CIMIP1: variants seen among roughly 807,000 people sequenced by gnomAD.
CIMIP1 encodes low in lung cancer 1.
the CIMIP1 span, among the ~76,000 whole-genome samples, chr20:58,152,261 C>T: frequency 1.3e-5 from 2 of 151,996 alleles, no homozygotes; most frequent in Non-Finnish European, 2.9e-5. Flanking sequence ...ATGCCCCTTC[C>T]TCTCTTCTTC....
chr20:58,157,180 G>A, the CIMIP1 span, among the ~76,000 whole-genome samples: 10 of 152,148 alleles, frequency 6.6e-5, no homozygotes, highest in Non-Finnish European at 1.3e-4. Context: ...TGACCTGTAA[G>A]AGTAACCACC....
At chr20:58,153,669 T>C in the CIMIP1 span, 2 of 1,319,406 alleles carry the variant, frequency 1.5e-6, no homozygotes, top group Admixed American at 1.8e-5. Context: ...GAATCAATCA[T>C]TTCAAAGAAT....
chr20:58,154,954 T>C, the CIMIP1 span, among the ~76,000 whole-genome samples: 1 of 152,172 alleles, frequency 6.6e-6, no homozygotes, highest in Non-Finnish European at 1.5e-5. Flanking sequence ...CACAGGCACA[T>C]GCCATCATGC....
chr20:58,160,339 A>G, the CIMIP1 span, among the ~76,000 whole-genome samples: 2 of 152,366 alleles, frequency 1.3e-5, no homozygotes, highest in East Asian at 3.9e-4. Context: ...TATATTTTAT[A>G]AAAGGCAGTG....
the CIMIP1 span, chr20:58,153,394 C>T: frequency 1.6e-6 from 1 of 639,442 alleles, no homozygotes; most frequent in South Asian, 1.9e-5. Context: ...AGGTGCTCAG[C>T]ATCAGAGGTT....
chr20:58,158,043 C>T, the CIMIP1 span, among the ~76,000 whole-genome samples: 2 of 152,232 alleles, frequency 1.3e-5, no homozygotes, highest in Non-Finnish European at 2.9e-5. Context: ...GACTTTCCCT[C>T]TGCCACCAGG....
chr20:58,153,418 G>A, the CIMIP1 span: 17 of 698,222 alleles, frequency 2.4e-5, no homozygotes, highest in Non-Finnish European at 3.8e-5. Context: ...ACGCTGTCTG[G>A]CTCCTCACTC....
At chr20:58,158,833 C>T in the CIMIP1 span, among the ~76,000 whole-genome samples, 1 of 152,190 alleles carries the variant, frequency 6.6e-6, no homozygotes, top group Admixed American at 6.5e-5. Flanking sequence ...ACCCATTTGT[C>T]ACGCACTCTT....
the CIMIP1 span, among the ~76,000 whole-genome samples, chr20:58,153,358 A>C: frequency 2.6e-5 from 4 of 152,126 alleles, no homozygotes; most frequent in African/African-American, 9.7e-5. Flanking sequence ...CTCTTTCGTT[A>C]GCCACGTGTC....
the CIMIP1 span, chr20:58,160,970 C>T: frequency 6.1e-6 from 5 of 820,374 alleles, no homozygotes; most frequent in Admixed American, 3.2e-5. Flanking sequence ...ACAAAGTGTG[C>T]CTTAGACATT....
At chr20:58,151,038 G>T in the CIMIP1 span, 7 of 1,602,558 alleles carry the variant, frequency 4.4e-6, no homozygotes, top group African/African-American at 6.7e-5. Flanking sequence ...ATCTGGTAAC[G>T]CCTGGGATCG....
At chr20:58,151,640 C>A in the CIMIP1 span, among the ~76,000 whole-genome samples, 1 of 152,050 alleles carries the variant, frequency 6.6e-6, no homozygotes, top group African/African-American at 2.4e-5. Context: ...GTCTTGAATT[C>A]CTGACGTCGT....
chr20:58,154,439 C>T, the CIMIP1 span, among the ~76,000 whole-genome samples: 2 of 152,216 alleles, frequency 1.3e-5, no homozygotes, highest in African/African-American at 4.8e-5. Flanking sequence ...AATCTGCAAC[C>T]TCTCAAACTT....
the CIMIP1 span, among the ~76,000 whole-genome samples, chr20:58,152,176 A>AT: frequency 2.6e-5 from 4 of 152,262 alleles, no homozygotes; most frequent in East Asian, 1.9e-4. Context: ...ATACACAACT[A>AT]TTTTTTACTA....
At chr20:58,151,569 C>T in the CIMIP1 span, among the ~76,000 whole-genome samples, 1 of 152,182 alleles carries the variant, frequency 6.6e-6, no homozygotes, top group East Asian at 1.9e-4. Flanking sequence ...CCCACCACCA[C>T]ACCCGGCTAA....
At chr20:58,150,911 G>C in the CIMIP1 span, 46 of 1,546,852 alleles carry the variant, frequency 3.0e-5, no homozygotes, top group Non-Finnish European at 3.9e-5. Context: ...CAGGAGACGC[G>C]AGACGCTGAG....
At chr20:58,160,043 T>C in the CIMIP1 span, among the ~76,000 whole-genome samples, 83 of 152,330 alleles carry the variant, frequency 5.4e-4, no homozygotes, top group African/African-American at 1.8e-3. Context: ...AATCCCCTTA[T>C]GCAGAACAGA....
the CIMIP1 span, chr20:58,160,705 C>T: frequency 3.9e-3 from 6,346 of 1,614,132 alleles, 13 homozygotes; most frequent in Non-Finnish European, 4.9e-3. Context: ...AGGGCTTCAT[C>T]GGCTGGAGAT....
At chr20:58,154,503 T>C in the CIMIP1 span, among the ~76,000 whole-genome samples, 1 of 152,232 alleles carries the variant, frequency 6.6e-6, no homozygotes. Flanking sequence ...TCAGTCAAAG[T>C]ATCTATGATT....
Sources: gnomAD v4.1 joint callset for allele counts (sites outside exome capture counted in the v4.1 genomes callset) on GRCh38, gnomAD v4.1.1 for gene constraint, MANE v1.5 for transcripts, NCBI Gene and HGNC (gene_info 2026-07-23, HGNC 2026-07-21) for gene names.